SYTL3: variants seen among roughly 807,000 people sequenced by gnomAD.
SYTL3 encodes synaptotagmin like 3.
Under a neutral mutation model 82.1 loss-of-function variants are expected in SYTL3, and 88 were observed. The ratio of observed to expected loss-of-function variants is 1.07; its 90% CI spans 0.90 to 1.28. SYTL3 has a LOEUF of 1.28. Among genes scored for constraint, SYTL3 ranks in the 50% most tolerant of loss-of-function variants. The probability of loss-of-function intolerance (pLI) is 0.00; values close to 1 mark genes in which losing one functional copy is unlikely to be tolerated. For synonymous variants in SYTL3, 311 were observed against 289.4 expected (o/e 1.07, Z -0.76); for missense variants, 831 against 757.6 (o/e 1.10, Z -1.14).
chr6:158,763,446 G>T lies in SYTL3; in HGVS notation c.1660G>T (p.Val554Phe), dbSNP rs774693205. 2.5e-6 allele frequency: 4 copies of T among 1,614,164 alleles called. No individual in the cohort carries two copies. Among genetic ancestry groups the T allele is most frequent in the Non-Finnish European group, 3.4e-6 (4 of 1,180,016 alleles). The change falls in exon 17 of 18, where the codon GTC (valine) becomes TTC (phenylalanine). Residue 554 changes from valine (V) to phenylalanine (F), a missense_variant. Transcript: ENST00000611299. ...QLRQSSLELT[V>F]WDQALFGMND... ...GAGGCAGTCAAGCTTGGAGTTAACT[G>T]TCTGGGATCAGGCCCTCTTTGGAAT...
chr6:158,700,350 C>T (rs1184203833), intron 6 of SYTL3, among the ~76,000 whole-genome samples: 1 of 152,102 alleles, frequency 6.6e-6, no homozygotes, highest in Non-Finnish European at 1.5e-5. Context: ...CTCCTGGGCT[C>T]AAGCAGTCCT....
chr6:158,723,068 T>C (rs1169718805), intron 10 of SYTL3, among the ~76,000 whole-genome samples: 1 of 147,382 alleles, frequency 6.8e-6, no homozygotes, highest in Admixed American at 6.8e-5. Flanking sequence ...GCCTGGCCAG[T>C]TATTCTTTTT....
rs753277865 is a variant in SYTL3, at chr6:158,751,938, A to G, written c.1045A>G (p.Thr349Ala). The G allele has an allele frequency of 6.3e-7, 1 of 1,597,120 alleles. No individual in the cohort carries two copies. Among genetic ancestry groups the G allele is most frequent in the South Asian group, 1.1e-5 (1 of 88,060 alleles). ...GTGTTTGGCCCCTAGGTATGTGAAG[A>G]CCTACCTGTTGCCCGACAGATCCTC... is the stretch of plus-strand genomic sequence containing the variant. ...KKKKCNPYVK[T>A]YLLPDRSSQG... The change falls in exon 13 of 18, where the codon ACC becomes GCC. Residue 349 changes from threonine to alanine, a missense_variant. Thr to Ala is a moderately conservative substitution (Grantham distance 58). Transcript: ENST00000611299.
At chr6:158,662,146 AGT>A (rs1361657673) in intron 3 of SYTL3, among the ~76,000 whole-genome samples, 3 of 152,204 alleles carry the variant, frequency 2.0e-5, no homozygotes, top group Non-Finnish European at 1.5e-5. Context: ...TAGCAAAGGA[AGT>A]TTAGCTTTTA....
At chr6:158,650,279 T>C (rs1787832625) in intron 1 of SYTL3, among the ~76,000 whole-genome samples, 1 of 152,206 alleles carries the variant, frequency 6.6e-6, no homozygotes, top group East Asian at 1.9e-4. Context: ...ATAATAATGA[T>C]TTAAGTGATA....
rs143283675 is a variant in SYTL3, at chr6:158,708,782, G to A, written c.516+391G>A. ...TCTCTTTTGAGTGTTTGCAGGCTCTGATGTACAGTGGACCAGCACCATTTC... is the reference window on the plus strand; with the variant it reads ...TCTCTTTTGAGTGTTTGCAGGCTCTAATGTACAGTGGACCAGCACCATTTC... On this transcript the variant is annotated intron_variant, in intron 8 of 17. Transcript: ENST00000611299. Among the ~76,000 whole-genome samples, 158 of 152,226 alleles carry A rather than the reference G, an allele frequency of 1.0e-3. 1 individual carries two copies. Among genetic ancestry groups the A allele is most frequent in the African/African-American group, 3.5e-3 (147 of 41,526 alleles).
At chr6:158,764,146 C>T (rs1000191354) in intron 17 of SYTL3, among the ~76,000 whole-genome samples, 4 of 152,236 alleles carry the variant, frequency 2.6e-5, no homozygotes, top group African/African-American at 9.7e-5. Flanking sequence ...ATGGGCAAGC[C>T]CAGCCCCCAG....
intron 5 of SYTL3, among the ~76,000 whole-genome samples, chr6:158,665,982 A>G (rs976527169): frequency 2.0e-5 from 3 of 152,066 alleles, no homozygotes; most frequent in Non-Finnish European, 4.4e-5. Context: ...GTGGTGGTGC[A>G]TGCCTGTAGT....
At chr6:158,684,788 G>T (rs1162249445) in intron 6 of SYTL3, among the ~76,000 whole-genome samples, 2 of 145,492 alleles carry the variant, frequency 1.4e-5, no homozygotes, top group Non-Finnish European at 3.0e-5. Flanking sequence ...ATTATCCCAT[G>T]GTTTATATTC....
intron 6 of SYTL3, among the ~76,000 whole-genome samples, chr6:158,684,883 C>T (rs1779122330): frequency 6.6e-6 from 1 of 151,334 alleles, no homozygotes; most frequent in Non-Finnish European, 1.5e-5. Flanking sequence ...TACTAAGGGT[C>T]ATGTCAGGCA....
intron 11 of SYTL3, among the ~76,000 whole-genome samples, chr6:158,737,941 G>A (rs745713240): frequency 1.3e-5 from 2 of 152,178 alleles, no homozygotes; most frequent in Non-Finnish European, 2.9e-5. Flanking sequence ...GATGTGTGAT[G>A]CAATTTGGGG....
intron 8 of SYTL3, among the ~76,000 whole-genome samples, chr6:158,710,525 A>G (rs909792051): frequency 9.4e-4 from 143 of 152,316 alleles, no homozygotes; most frequent in Non-Finnish European, 1.7e-3. Flanking sequence ...AAAAAAAAAA[A>G]AATGCATAAC....
intron 9 of SYTL3, among the ~76,000 whole-genome samples, chr6:158,715,866 G>T (rs113163675): frequency 6.6e-6 from 1 of 152,054 alleles, no homozygotes; most frequent in Non-Finnish European, 1.5e-5. Flanking sequence ...TCCTCTTCTC[G>T]TGCTCCTATT....
intron 12 of SYTL3, 44 bp from the exon 13 acceptor site, chr6:158,751,883 CT>C: frequency 6.9e-7 from 1 of 1,449,362 alleles, no homozygotes; most frequent in South Asian, 1.3e-5. Context: ...TTATCCACCC[CT>C]TTCCCTGAGT....
At position 158,697,889 on chromosome 6, in the gene SYTL3, C is replaced by T. The variant is rs73797082; in HGVS notation, c.395-9341C>T. ...GAAAAGGTATTGTTCTCTTCTGTCA[C>T]TAAGCAGAAGAGTAATGTCTGGTGG... On this transcript the variant is annotated intron_variant, in intron 6 of 17. Transcript: ENST00000611299. Among the ~76,000 whole-genome samples, 995 of 152,290 alleles carry T rather than the reference C, an allele frequency of 6.5e-3. 6 individuals are homozygous for T. Among genetic ancestry groups the T allele is most frequent in the African/African-American group, 0.022 (920 of 41,564 alleles).
At chr6:158,700,891 C>G (rs1029861112) in intron 6 of SYTL3, among the ~76,000 whole-genome samples, 2 of 152,222 alleles carry the variant, frequency 1.3e-5, no homozygotes, top group Non-Finnish European at 2.9e-5. Flanking sequence ...GCTGGGATTA[C>G]AGGCATGAGC....
chr6:158,696,222 A>G (rs535220083), intron 6 of SYTL3, among the ~76,000 whole-genome samples: 6 of 151,550 alleles, frequency 4.0e-5, no homozygotes, highest in Non-Finnish European at 8.8e-5. Flanking sequence ...TTTTTTTGAG[A>G]TGGAGTCTCA....
chr6:158,697,817 C>T (rs1780727154), intron 6 of SYTL3, among the ~76,000 whole-genome samples: 2 of 152,190 alleles, frequency 1.3e-5, no homozygotes, highest in South Asian at 4.1e-4. Context: ...GGAAGACTTA[C>T]TGCCCAGAGT....
chr6:158,739,223 C>G (rs949531911), intron 11 of SYTL3, among the ~76,000 whole-genome samples: 2 of 152,178 alleles, frequency 1.3e-5, no homozygotes, highest in Non-Finnish European at 2.9e-5. Context: ...CTACCACCTT[C>G]TTTTCATCAT....
Sources: allele counts gnomAD v4.1 joint callset (sites outside exome capture counted in the v4.1 genomes callset), GRCh38; gene constraint gnomAD v4.1.1; transcripts MANE v1.5; gene names NCBI Gene and HGNC (gene_info 2026-07-23, HGNC 2026-07-21).